The following GPSM1 variants were observed in gnomAD, a reference collection of about 807,000 sequenced individuals.
GPSM1 encodes the protein G protein-signaling modulator 1.
A neutral mutation model predicts 70.5 loss-of-function variants in GPSM1; 48 were observed. The observed-to-expected ratio is 0.68, with a 90% CI of 0.54 to 0.87. The LOEUF (loss-of-function observed/expected upper bound fraction) is 0.87, where lower values mean the gene tolerates loss of function less well. GPSM1 is among the 40% of genes least tolerant of loss of function. GPSM1 has a pLI of 0.00. For missense variants in GPSM1, 981 were observed against 972.6 expected (o/e 1.01, Z -0.11); for synonymous variants, 416 against 430.1 (o/e 0.97, Z 0.41).
rs76236118 is a variant in GPSM1 at position 136,356,458 on chromosome 9, C to T, written c.1729C>T (p.Arg577Ter). Residue 577 changes from arginine to a stop codon, truncating the protein, a stop_gained, in exon 13 of 14, where the codon CGA becomes TGA. Coordinates refer to ENST00000440944, the MANE Select transcript of GPSM1 (RefSeq NM_001145638.3). LOFTEE classifies it high-confidence loss of function. ...RASVGSLPGL[R>*]ITHSNAGHLR... ...CAGCGTGGGCAGCCTGCCGGGGCTG[C>T]GAATCACCCACAGCAATGCAGGGCA... is the stretch of plus-strand genomic sequence containing the variant. The T allele has an allele frequency of 1.2e-5, 20 of 1,611,430 alleles. No homozygotes were observed. The highest frequency in any genetic ancestry group is 2.2e-5 in the East Asian group (1 of 44,834).
At chr9:136,331,969 G>A (rs545006369) in intron 1 of GPSM1, 74 of 398,450 alleles carry the variant, frequency 1.9e-4, no homozygotes, top group African/African-American at 1.4e-3. Context: ...ATGGTGGGGC[G>A]AGGGCTGGCT....
At position 136,349,645 on chromosome 9, in the gene GPSM1, T is replaced by G. The variant is rs1554771752; in HGVS notation, c.1337T>G (p.Leu446Arg). The G allele has an allele frequency of 5.2e-6, 8 of 1,550,232 alleles. No homozygotes were observed. Among genetic ancestry groups the G allele is most frequent in the Middle Eastern group, 3.4e-4 (2 of 5,956 alleles). Reference protein sequence around the residue: ...GDWRGPSRDSLPLPVRSRKYQ... With the variant: ...GDWRGPSRDSRPLPVRSRKYQ... ...TGGCGGGGGCCCAGCAGGGACTCGC[T>G]ACCCCTCCCCGTGAGGAGCAGGAAG... Residue 446 changes from leucine (L) to arginine (R), a missense_variant, in exon 11 of 14, where the codon CTA (leucine) becomes CGA (arginine). Transcript: ENST00000440944.
intron 10 of GPSM1, 103 bp downstream of exon 10, chr9:136,348,870 G>T (rs1554771664): frequency 2.3e-6 from 2 of 859,292 alleles, no homozygotes; most frequent in East Asian, 5.2e-5. Flanking sequence ...GCCCCTGTCT[G>T]CTGGGAGATA....
chr9:136,338,744 C>A, intron 7 of GPSM1, 34 bp downstream of exon 7: 1 of 1,519,684 alleles, frequency 6.6e-7, no homozygotes, highest in Non-Finnish European at 8.8e-7. Context: ...GCAGACCCGG[C>A]CCGGCCCACA....
rs1469635962 is a variant in GPSM1 at position 136,353,403 on chromosome 9, T to C, written c.1456-2287T>C. Among the ~76,000 whole-genome samples the C allele has an allele frequency of 2.6e-5, 4 of 152,110 alleles. No individual in the cohort carries two copies. The East Asian group carries it at 7.7e-4, about 29-fold the overall frequency. On this transcript the variant is annotated intron_variant, in intron 11 of 13. Coordinates refer to ENST00000440944, the MANE Select transcript of GPSM1 (RefSeq NM_001145638.3). ...AGGGAGGCGGAACCCCGAGTCCCAC[T>C]GGATATGTTCTACTGGGACATAAAT...
chr9:136,352,002 G>A (rs1012072658), intron 11 of GPSM1, among the ~76,000 whole-genome samples: 2 of 152,224 alleles, frequency 1.3e-5, no homozygotes, highest in African/African-American at 4.8e-5. Context: ...CTCAGGGAAG[G>A]GCTTTCAGCT....
chr9:136,327,961 A>C (rs1832015693), intron 1 of GPSM1, among the ~76,000 whole-genome samples, 198 bp downstream of exon 1: 1 of 143,538 alleles, frequency 7.0e-6, no homozygotes, highest in South Asian at 2.5e-4. Context: ...TCTTTCCCCC[A>C]AGCCAAGGGG....
At position 136,345,722 on chromosome 9, in the gene GPSM1, C is replaced by T. The variant is rs546097546; in HGVS notation, c.1208-2975C>T. On this transcript the variant is annotated intron_variant, in intron 9 of 13. Coordinates refer to ENST00000440944, the MANE Select transcript of GPSM1 (RefSeq NM_001145638.3). ...GCACACCGGGAGACGGAGCGGGGCTCTCGCTGGGTGTGGTAAGTGAAGGGC... is the reference window on the plus strand; with the variant it reads ...GCACACCGGGAGACGGAGCGGGGCTTTCGCTGGGTGTGGTAAGTGAAGGGC... Among the ~76,000 whole-genome samples the T allele has an allele frequency of 1.1e-4, 16 of 152,312 alleles. No homozygotes were observed. In the South Asian group the frequency reaches 1.9e-3, roughly 18 times the overall value.
intron 1 of GPSM1, among the ~76,000 whole-genome samples, chr9:136,328,821 T>G (rs1187941430): frequency 6.6e-6 from 1 of 152,094 alleles, no homozygotes; most frequent in Non-Finnish European, 1.5e-5. Context: ...TGAGGGTGAT[T>G]TTGCTGGCAG....
chr9:136,333,830 C>T (rs1266776898), intron 1 of GPSM1, among the ~76,000 whole-genome samples: 10 of 152,112 alleles, frequency 6.6e-5, no homozygotes, highest in African/African-American at 1.4e-4. Context: ...CTGGCTAACC[C>T]GCAGCCACAC....
At chr9:136,328,513 G>A (rs572797141) in intron 1 of GPSM1, among the ~76,000 whole-genome samples, 3 of 152,202 alleles carry the variant, frequency 2.0e-5, no homozygotes, top group Non-Finnish European at 4.4e-5. Flanking sequence ...TCCCCAGAGC[G>A]AGGGACACTA....
intron 11 of GPSM1, among the ~76,000 whole-genome samples, chr9:136,352,134 A>ACCAACCAGCCCCTGCCCCTCCC (rs1832682580): frequency 2.7e-5 from 4 of 147,942 alleles, no homozygotes; most frequent in African/African-American, 1.0e-4. Flanking sequence ...GCTGTTGGTG[A>ACCAACCAGCCCCTGCCCCTCCC]CACCAATGCT....
At chr9:136,332,732 T>C (rs1002565955) in intron 1 of GPSM1, among the ~76,000 whole-genome samples, 25 of 148,450 alleles carry the variant, frequency 1.7e-4, no homozygotes, top group Non-Finnish European at 2.7e-4. Context: ...GGCTGTGAGG[T>C]GCCTGGCAGG....
Position 136,349,608 on chromosome 9 carries a change from C to G in GPSM1, c.1300C>G (p.His434Asp). Reference sequence around the variant, plus strand: ...CCAGGAGCAGAATGGAGACAGCCACCATTCAGGGGACTGGCGGGGGCCCAG... The same window carrying G: ...CCAGGAGCAGAATGGAGACAGCCACGATTCAGGGGACTGGCGGGGGCCCAG... ...LEREQNGDSHHSGDWRGPSRD... is the reference protein window; with the variant it reads ...LEREQNGDSHDSGDWRGPSRD... Residue 434 changes from histidine (H) to aspartate (D), a missense_variant, in exon 11 of 14, where the codon CAT (histidine) becomes GAT (aspartate). Physicochemically the swap from His to Asp is moderately conservative, Grantham distance 81. Transcript: ENST00000440944. 1 of 1,550,340 alleles carries G rather than the reference C, an allele frequency of 6.5e-7. No homozygotes were observed. Among genetic ancestry groups the G allele is most frequent in the Non-Finnish European group, 8.7e-7 (1 of 1,146,826 alleles).
rs1331960135 is a variant in GPSM1, at chr9:136,342,442, G to A, written c.1207+1449G>A. Among the ~76,000 whole-genome samples the A allele has an allele frequency of 2.0e-5, 3 of 152,188 alleles. No homozygotes were observed. The highest frequency in any genetic ancestry group is 4.4e-5 in the Non-Finnish European group (3 of 68,012). The stretch of plus-strand genomic sequence containing the variant: ...GCTTCTGTCCCTCTCTGGCTCCTCT[G>A]TGCCGCCCCGAGTGCGGGACCCCTT... On this transcript the variant is annotated intron_variant, in intron 9 of 13. Coordinates refer to ENST00000440944, the MANE Select transcript of GPSM1 (RefSeq NM_001145638.3). This position sits in a 1 kb window ranked among gnomAD's most constrained non-coding sequence, Gnocchi z 5.5.
intron 7 of GPSM1, 108 bp downstream of exon 7, chr9:136,338,818 T>G (rs1391720250): frequency 8.7e-7 from 1 of 1,151,988 alleles, no homozygotes; most frequent in East Asian, 2.6e-5. Context: ...CCACTGACCA[T>G]GCTGTGACCC....
chr9:136,340,997 A>G lies in GPSM1; in HGVS notation c.1207+4A>G. On this transcript the variant is annotated splice_donor_region_variant and intron_variant, in intron 9 of 13. Transcript: ENST00000440944. The surrounding 1 kb of genome is among the most constrained non-coding windows in gnomAD (Gnocchi z 7.3). ...CTGGCCGGCTATGAGGCCCAGGGTG[A>G]GTTCCAGGGTTGTGGGGGGGTCTTG... 3 of 1,566,738 alleles carry G rather than the reference A, an allele frequency of 1.9e-6. No homozygotes were observed. The highest frequency in any genetic ancestry group is 2.6e-6 in the Non-Finnish European group (3 of 1,156,190).
At chr9:136,335,844 G>T in intron 2 of GPSM1, 122 bp from the exon 3 acceptor site, 2 of 1,005,460 alleles carry the variant, frequency 2.0e-6, no homozygotes, top group Non-Finnish European at 2.9e-6. Context: ...GGGGTTGCAG[G>T]CTCCTGTCCA....
At chr9:136,350,249 G>A (rs1363230308) in intron 11 of GPSM1, among the ~76,000 whole-genome samples, 1 of 152,234 alleles carries the variant, frequency 6.6e-6, no homozygotes, top group African/African-American at 2.4e-5. Flanking sequence ...CCCCTGATGG[G>A]GTGCCCCTTC....
Sources: allele counts gnomAD v4.1 joint callset (sites outside exome capture counted in the v4.1 genomes callset), GRCh38; gene constraint gnomAD v4.1.1; non-coding constraint Gnocchi (gnomAD v3.1); transcripts MANE v1.5; gene names NCBI Gene and HGNC (gene_info 2026-07-23, HGNC 2026-07-21).